The following KIF22 variants were observed in gnomAD, a reference collection of about 807,000 sequenced individuals.
KIF22 encodes kinesin-like protein KIF22.
In KIF22, 62 loss-of-function variants were observed where a neutral mutation model predicts 73.0. That is an observed-to-expected ratio of 0.85 (90% CI 0.69 to 1.05). KIF22 has a LOEUF of 1.05. KIF22 is among the 50% of genes least tolerant of loss of function. KIF22 has a pLI of 0.00. For synonymous variants in KIF22, 411 were observed against 340.1 expected, an observed-to-expected ratio of 1.21 and a Z score of -2.29; for missense variants, 854 against 870.1, an observed-to-expected ratio of 0.98 and a Z score of 0.23.
chr16:29,796,284 A>AAAAACAC (rs1410758267), intron 1 of KIF22, among the ~76,000 whole-genome samples: 100 of 146,682 alleles, frequency 6.8e-4, no homozygotes, highest in South Asian at 3.3e-3. Flanking sequence ...AAAAAAAAAA[A>AAAAACAC]ACACACACAC....
rs758502268 is a variant in KIF22 at position 29,796,958 on chromosome 16, G to A, written c.136G>A (p.Val46Met). The A allele has an allele frequency of 3.1e-6, 5 of 1,614,186 alleles. No homozygotes were observed. Among genetic ancestry groups the A allele is most frequent in the Non-Finnish European group, 4.2e-6 (5 of 1,180,028 alleles). The change falls in exon 2 of 14, where the codon GTG (valine) becomes ATG (methionine). Residue 46 changes from valine to methionine, a missense_variant. Transcript: ENST00000160827. The part of the protein sequence containing the change: ...TRRPPPARVR[V>M]AVRLRPFVDG... Reference sequence around the variant, plus strand: ...TCGTCCACCTCCAGCTCGCGTAAGGGTGGCTGTGCGACTGCGGCCATTTGT... The same window carrying A: ...TCGTCCACCTCCAGCTCGCGTAAGGATGGCTGTGCGACTGCGGCCATTTGT...
chr16:29,793,245 A>AT (rs1226055459), intron 1 of KIF22, among the ~76,000 whole-genome samples: 1 of 152,200 alleles, frequency 6.6e-6, no homozygotes, highest in Non-Finnish European at 1.5e-5. Flanking sequence ...GATCGAGACC[A>AT]TCTTGGCCAA....
intron 8 of KIF22, 81 bp downstream of exon 8, chr16:29,800,129 G>GC: frequency 6.9e-7 from 1 of 1,458,512 alleles, no homozygotes; most frequent in South Asian, 1.3e-5. Flanking sequence ...AGATCCTTGA[G>GC]CAGAGAGCTG....
Position 29,799,490 on chromosome 16 carries a change from T to C in KIF22, c.986T>C (p.Leu329Ser). The change falls in exon 6 of 14, where the codon TTG becomes TCG. Residue 329 changes from leucine (L) to serine (S), a missense_variant. Transcript: ENST00000160827. Reference protein sequence around the residue: ...PYRDSKLTRLLQDSLGGSAHS... With the variant: ...PYRDSKLTRLSQDSLGGSAHS... ...CGGGACAGCAAGCTCACTCGCCTAT[T>C]GCAGGTCAGGCCCACCTGTCTCAGG... 4 of 1,614,078 alleles carry C rather than the reference T, an allele frequency of 2.5e-6. No individual in the cohort carries two copies. Among genetic ancestry groups the C allele is most frequent in the Non-Finnish European group, 3.4e-6 (4 of 1,179,978 alleles).
chr16:29,798,332 A>T lies in KIF22; in HGVS notation c.267-42A>T, dbSNP rs200512521. The T allele has an allele frequency of 7.3e-4, 1,142 of 1,571,322 alleles. 9 individuals are homozygous for T. In the African/African-American group the frequency reaches 0.013, roughly 18 times the overall value. ...ACCCCTTACACACACACACACACACACACACACACACACACGCTAATTTCT... is the reference window on the plus strand; with the variant it reads ...ACCCCTTACACACACACACACACACTCACACACACACACACGCTAATTTCT... On this transcript the variant is annotated intron_variant, in intron 2 of 13. Coordinates refer to ENST00000160827, the MANE Select transcript of KIF22 (RefSeq NM_007317.3). The surrounding 1 kb of genome is among the most constrained non-coding windows in gnomAD (Gnocchi z 4.1).
At position 29,798,820 on chromosome 16, in the gene KIF22, C is replaced by T; in HGVS notation, c.549+73C>T. 3 of 1,578,196 alleles carry T rather than the reference C, an allele frequency of 1.9e-6. No individual in the cohort carries two copies. Among genetic ancestry groups the T allele is most frequent in the Non-Finnish European group, 1.7e-6 (2 of 1,159,400 alleles). ...AGACCTGGTTCTAGAACATGAAGCT[C>T]TGCTGTAGCAGGGAGGTAAGGTGAG... On this transcript the variant is annotated intron_variant, in intron 4 of 13. Transcript: ENST00000160827. The surrounding 1 kb of genome is among the most constrained non-coding windows in gnomAD (Gnocchi z 4.1).
In KIF22 at chr16:29,790,987, C is replaced by T. The variant is rs978522234; in HGVS notation, c.70+158C>T. 5.5e-6 allele frequency: 8 copies of T among 1,461,220 alleles called. No homozygotes were observed. The South Asian group carries it at 8.4e-5, about 15-fold the overall frequency. The allele number at this position is 1,461,220 out of a possible 1,614,324, so 90.5% of individuals were successfully genotyped here. On this transcript the variant is annotated intron_variant, in intron 1 of 13. Transcript: ENST00000160827. Reference sequence around the variant, plus strand: ...ACGGTGAGAGTGTGGGGTCGCGAGCCGGTCGCCCCGCCTGGCTCCTGCCTT... The same window carrying T: ...ACGGTGAGAGTGTGGGGTCGCGAGCTGGTCGCCCCGCCTGGCTCCTGCCTT...
At position 29,797,545 on chromosome 16, in the gene KIF22, C is replaced by T. The variant is rs1483918771; in HGVS notation, c.266+457C>T. 6.6e-6 allele frequency among the ~76,000 whole-genome samples: 1 copy of T among 152,150 alleles called. No homozygotes were observed. Among genetic ancestry groups the T allele is most frequent in the African/African-American group, 2.4e-5 (1 of 41,432 alleles). On this transcript the variant is annotated intron_variant, in intron 2 of 13. Coordinates refer to ENST00000160827, the MANE Select transcript of KIF22 (RefSeq NM_007317.3). The surrounding 1 kb of genome is among the most constrained non-coding windows in gnomAD (Gnocchi z 4.1). ...CTTGGCCTGTTTTTCTAGGCGGGGGCTGGCAAACCATGGCCTGCAGGTCAA... is the reference window on the plus strand; with the variant it reads ...CTTGGCCTGTTTTTCTAGGCGGGGGTTGGCAAACCATGGCCTGCAGGTCAA...
At position 29,797,071 on chromosome 16, in the gene KIF22, G is replaced by A. The variant is rs1898972187; in HGVS notation, c.249G>A (p.Gln83=). The A allele has an allele frequency of 6.3e-7, 1 of 1,593,588 alleles. No homozygotes were observed. The highest frequency in any genetic ancestry group is 1.7e-5 in the Admixed American group (1 of 58,616). ...AGATTGCTAACTGGAGGAACCACCA[G>A]GAGACTCTCAAATACCAGTAAGGTT... ...SLEIANWRNH[Q]ETLKYQFDAF... Residue 83 remains glutamine (Q), a synonymous_variant, in exon 2 of 14, where the codon CAG becomes CAA. Transcript: ENST00000160827. This position sits in a 1 kb window ranked among gnomAD's most constrained non-coding sequence, Gnocchi z 4.1.
In KIF22 at chr16:29,797,013, C is replaced by T. The variant is rs201726114; in HGVS notation, c.191C>T (p.Pro64Leu). The change falls in exon 2 of 14, where the codon CCC becomes CTC. Residue 64 changes from proline to leucine, a missense_variant. Physicochemically the swap from Pro to Leu is moderately conservative, Grantham distance 98. Transcript: ENST00000160827. This position sits in a 1 kb window ranked among gnomAD's most constrained non-coding sequence, Gnocchi z 4.1. ...GGAACAGCGGGAGCAAGTGATCCCC[C>T]CTGTGTGCGGGGCATGGACAGCTGC... ...VDGTAGASDP[P>L]CVRGMDSCSL... 7.4e-6 allele frequency: 12 copies of T among 1,613,862 alleles called. No individual in the cohort carries two copies. The highest frequency in any genetic ancestry group is 4.5e-5 in the East Asian group (2 of 44,862).
rs552728302 is a variant in KIF22 at position 29,799,851 on chromosome 16, G to C, written c.1145-62G>C. ...TTAGGGAGTTTGTTGAAACCACCAA[G>C]CATCAGCACAGAGGCTGACCACCCC... On this transcript the variant is annotated intron_variant, in intron 7 of 13. Transcript: ENST00000160827. The C allele has an allele frequency of 5.0e-5, 81 of 1,612,286 alleles. 1 individual carries two copies. In the South Asian group the frequency reaches 8.0e-4, roughly 16 times the overall value.
In KIF22 at chr16:29,798,663, G is replaced by A; in HGVS notation, c.465G>A (p.Leu155=). 1.2e-6 allele frequency: 2 copies of A among 1,614,134 alleles called. No individual in the cohort carries two copies. The highest frequency in any genetic ancestry group is 8.5e-7 in the Non-Finnish European group (1 of 1,180,016). Residue 155 remains leucine, a synonymous_variant, in exon 4 of 14, where the codon CTG becomes CTA. Coordinates refer to ENST00000160827, the MANE Select transcript of KIF22 (RefSeq NM_007317.3). This position sits in a 1 kb window ranked among gnomAD's most constrained non-coding sequence, Gnocchi z 4.1. ...TCCCGCGGGCTCTCATGGACCTCCT[G>A]CAGCTCACAAGGGAGGAGGGTGCCG... ...GVIPRALMDL[L]QLTREEGAEG...
rs1899187031 is a variant in KIF22 at position 29,802,816 on chromosome 16, T to G, written c.1328T>G (p.Leu443Arg). Reference sequence around the variant, plus strand: ...ATGGACCCGGCCATGCTGGAGCGCCTCCTCAGCTTGGACCGTCTGCTTGCC... The same window carrying G: ...ATGGACCCGGCCATGCTGGAGCGCCGCCTCAGCTTGGACCGTCTGCTTGCC... ...SSMDPAMLER[L>R]LSLDRLLASQ... The change falls in exon 9 of 14, where the codon CTC becomes CGC. Residue 443 changes from leucine to arginine, a missense_variant. Transcript: ENST00000160827. 4.4e-6 allele frequency: 7 copies of G among 1,607,414 alleles called. No individual in the cohort carries two copies. Among genetic ancestry groups the G allele is most frequent in the South Asian group, 1.1e-5 (1 of 89,882 alleles).
At chr16:29,791,224 G>T in intron 1 of KIF22, 2 of 1,081,194 alleles carry the variant, frequency 1.8e-6, no homozygotes, top group Non-Finnish European at 2.3e-6. Flanking sequence ...AGCCGGAGGC[G>T]TGTATTGGGA....
chr16:29,804,209 G>A (rs1899255799), intron 11 of KIF22, 144 bp downstream of exon 11: 1 of 699,820 alleles, frequency 1.4e-6, no homozygotes, highest in Non-Finnish European at 2.6e-6. Flanking sequence ...GCTTACCCCT[G>A]GAATGTGGTG....
At position 29,799,698 on chromosome 16, in the gene KIF22, A is replaced by G; in HGVS notation, c.1061A>G (p.Asp354Gly). The G allele has an allele frequency of 6.2e-7, 1 of 1,613,828 alleles. No individual in the cohort carries two copies. The highest frequency in any genetic ancestry group is 8.5e-7 in the Non-Finnish European group (1 of 1,179,886). The stretch of plus-strand genomic sequence containing the variant: ...GCCCCTGAGAGACGCTTCTACCTAG[A>G]CACAGTCTCCGCACTCAACTTTGCT... ...NIAPERRFYL[D>G]TVSALNFAAR... Residue 354 changes from aspartate (D) to glycine (G), a missense_variant, in exon 7 of 14, where the codon GAC becomes GGC. Asp to Gly is a moderately conservative substitution (Grantham distance 94, BLOSUM62 -1). Transcript: ENST00000160827.
Position 29,803,990 on chromosome 16 carries a change from A to G in KIF22, c.1610-8A>G, listed in dbSNP as rs764153902. 5 of 1,611,948 alleles carry G rather than the reference A, an allele frequency of 3.1e-6. No individual in the cohort carries two copies. The South Asian group carries it at 5.5e-5, about 18-fold the overall frequency. On this transcript the variant is annotated splice_region_variant and splice_polypyrimidine_tract_variant and intron_variant, in intron 10 of 13. Transcript: ENST00000160827. ...GCCCTGACTCCAATTCTCGATTCCT[A>G]CTTTCAGTTCAGGAGCAGGCAGCAT... is the stretch of plus-strand genomic sequence containing the variant.
intron 8 of KIF22, among the ~76,000 whole-genome samples, chr16:29,802,175 G>A (rs1899160270): frequency 6.6e-6 from 1 of 151,278 alleles, no homozygotes; most frequent in Non-Finnish European, 1.5e-5. Flanking sequence ...GCTGAGACAG[G>A]GGGATTGCTT....
intron 1 of KIF22, 147 bp from the exon 2 acceptor site, chr16:29,796,746 C>T: frequency 1.5e-6 from 1 of 684,134 alleles, no homozygotes; most frequent in East Asian, 2.7e-5. Context: ...GGCACTGAGG[C>T]CAAGCTTAGG....
Sources: gnomAD v4.1 joint callset for allele counts (sites outside exome capture counted in the v4.1 genomes callset) on GRCh38, gnomAD v4.1.1 for gene constraint, Gnocchi (gnomAD v3.1) non-coding constraint, MANE v1.5 for transcripts, NCBI Gene and HGNC (gene_info 2026-07-23, HGNC 2026-07-21) for gene names.